Variants in EYA4 observed in about 807,000 individuals in gnomAD.
The protein encoded by EYA4 is EYA transcriptional coactivator and phosphatase 4.
Under a neutral mutation model 87.9 loss-of-function variants are expected in EYA4, and 31 were observed. That is an observed-to-expected ratio of 0.35 (90% confidence interval 0.27 to 0.48). EYA4 has a LOEUF of 0.48. EYA4 is among the 20% of genes least tolerant of loss of function. The pLI is 0.99. For missense variants in EYA4, 678 were observed against 761.4 expected (o/e 0.89, Z 1.29); for synonymous variants, 263 against 270.6 (o/e 0.97, Z 0.28).
intron 2 of EYA4, among the ~76,000 whole-genome samples, chr6:133,284,949 G>A (rs765618898): frequency 1.3e-5 from 2 of 151,840 alleles, no homozygotes; most frequent in African/African-American, 2.4e-5. Flanking sequence ...AAGTGCTTGC[G>A]GGCAGGGTAG....
intron 1 of EYA4, among the ~76,000 whole-genome samples, chr6:133,267,196 A>G (rs1333283480): frequency 1.3e-5 from 2 of 152,224 alleles, no homozygotes; most frequent in Non-Finnish European, 2.9e-5. Flanking sequence ...AAATTTACTT[A>G]TTGCACAGAC....
chr6:133,319,995 G>A (rs1320031727), intron 2 of EYA4, among the ~76,000 whole-genome samples: 3 of 152,064 alleles, frequency 2.0e-5, no homozygotes, highest in East Asian at 3.8e-4. Context: ...TTACAGGTGT[G>A]AGCCACCATG....
chr6:133,311,124 T>C (rs1780180707), intron 2 of EYA4, among the ~76,000 whole-genome samples: 1 of 152,060 alleles, frequency 6.6e-6, no homozygotes, highest in Admixed American at 6.6e-5. Flanking sequence ...GGCTTGTCCA[T>C]TTTATCCCTC....
chr6:133,436,101 C>T lies in EYA4; in HGVS notation c.84-10529C>T, dbSNP rs1257300392. ...AGGCGTGGTGGCACGTGCCTATAAT[C>T]CCAGCTACTCAGGAAGCTGAGGCAG... On this transcript the variant is annotated intron_variant, in intron 3 of 19. Coordinates refer to ENST00000355286, the MANE Select transcript of EYA4 (RefSeq NM_004100.5). Among the ~76,000 whole-genome samples the T allele has an allele frequency of 5.9e-5, 9 of 152,202 alleles. No individual in the cohort carries two copies. The East Asian group carries it at 1.7e-3, about 29-fold the overall frequency.
upstream of EYA4, among the ~76,000 whole-genome samples, chr6:133,241,186 G>A (rs1773909100): frequency 6.6e-6 from 1 of 152,044 alleles, no homozygotes; most frequent in African/African-American, 2.4e-5. Context: ...AAAACGGAGT[G>A]GGTCCCCCGC....
chr6:133,521,172 C>T (rs1409045425), intron 17 of EYA4, among the ~76,000 whole-genome samples: 1 of 151,902 alleles, frequency 6.6e-6, no homozygotes, highest in Non-Finnish European at 1.5e-5. Context: ...TCAGAGTGAA[C>T]AGGCAACTGA....
intron 16 of EYA4, 29 bp from the exon 17 acceptor site, chr6:133,515,292 G>A (rs56378005): frequency 0.015 from 16,131 of 1,074,954 alleles, 181 homozygotes; most frequent in Non-Finnish European, 0.018. Context: ...TTCATCTCTC[G>A]ACTCTGCCTT....
chr6:133,310,175 G>T (rs1270441035), intron 2 of EYA4, among the ~76,000 whole-genome samples: 1 of 152,174 alleles, frequency 6.6e-6, no homozygotes, highest in Non-Finnish European at 1.5e-5. Flanking sequence ...ATATAGGATG[G>T]TCAATAATTT....
At chr6:133,500,588 G>A (rs538052182) in intron 13 of EYA4, among the ~76,000 whole-genome samples, 3 of 152,098 alleles carry the variant, frequency 2.0e-5, no homozygotes, top group Non-Finnish European at 4.4e-5. Context: ...TTACTAGGGG[G>A]AAAAAAGCAA....
chr6:133,473,425 CA>C (rs1210672373), intron 11 of EYA4, among the ~76,000 whole-genome samples: 1 of 151,934 alleles, frequency 6.6e-6, no homozygotes, highest in Non-Finnish European at 1.5e-5. Context: ...AATGGTAGGT[CA>C]TATGGGGGAT....
rs1042078601 is a variant in EYA4, at chr6:133,241,558, C to G, written c.-257C>G. The G allele has an allele frequency of 4.6e-5, 7 of 152,316 alleles. No individual in the cohort carries two copies. Among genetic ancestry groups the G allele is most frequent in the Non-Finnish European group, 8.8e-5 (6 of 68,176 alleles). 9.4% of individuals were successfully genotyped at this position (152,316 alleles called of 1,614,324 possible). ...CCTCGGAGCCGGCTTCTCCCTCCGC[C>G]CCGCTTCTCCCCCGCTTGTGTACGC... On this transcript the variant is annotated 5_prime_UTR_variant, in exon 1 of 20. Transcript: ENST00000355286.
At chr6:133,398,518 T>C (rs1035792939) in intron 3 of EYA4, among the ~76,000 whole-genome samples, 1 of 152,198 alleles carries the variant, frequency 6.6e-6, no homozygotes, top group Non-Finnish European at 1.5e-5. Context: ...CTATTTTTTT[T>C]CCTCATATTT....
intron 3 of EYA4, among the ~76,000 whole-genome samples, chr6:133,390,441 C>T (rs1352419792): frequency 6.6e-6 from 1 of 152,152 alleles, no homozygotes. Context: ...AGGCTGGTCT[C>T]AAACTCCTGA....
intron 17 of EYA4, among the ~76,000 whole-genome samples, chr6:133,518,704 T>G (rs1207242971): frequency 6.6e-6 from 1 of 152,098 alleles, no homozygotes; most frequent in South Asian, 2.1e-4. Context: ...TTCTGGTGCA[T>G]CCCACACCAC....
intron 3 of EYA4, among the ~76,000 whole-genome samples, chr6:133,410,827 A>G (rs1789158893): frequency 6.6e-6 from 1 of 151,724 alleles, no homozygotes; most frequent in Non-Finnish European, 1.5e-5. Context: ...CATCCTTGGC[A>G]TTGTTGCATT....
At chr6:133,306,653 C>T (rs1434760957) in intron 2 of EYA4, among the ~76,000 whole-genome samples, 3 of 152,156 alleles carry the variant, frequency 2.0e-5, no homozygotes, top group African/African-American at 7.2e-5. Context: ...GAAAAATCAG[C>T]AAATTTAGAT....
At chr6:133,367,830 A>G (rs1784971045) in intron 2 of EYA4, among the ~76,000 whole-genome samples, 1 of 152,200 alleles carries the variant, frequency 6.6e-6, no homozygotes, top group Non-Finnish European at 1.5e-5. Context: ...AATGATTGCT[A>G]TGTGCTTGGT....
intron 1 of EYA4, among the ~76,000 whole-genome samples, chr6:133,252,942 AACAC>A (rs3836960): frequency 0.065 from 9,041 of 138,570 alleles, 273 homozygotes; most frequent in East Asian, 0.14. Context: ...GGTACTTGAA[AACAC>A]ACACACACAC....
At chr6:133,273,799 G>C (rs1009092807) in intron 1 of EYA4, among the ~76,000 whole-genome samples, 3 of 152,224 alleles carry the variant, frequency 2.0e-5, no homozygotes, top group African/African-American at 7.2e-5. Context: ...CTTTCTGTTT[G>C]AATTGTAAGA....
Sources: allele counts gnomAD v4.1 joint callset (sites outside exome capture counted in the v4.1 genomes callset), GRCh38; gene constraint gnomAD v4.1.1; transcripts MANE v1.5; gene names NCBI Gene and HGNC (gene_info 2026-07-23, HGNC 2026-07-21).